Variants in NUP88 observed in about 807,000 individuals in gnomAD.
NUP88 encodes nucleoporin 88.
NUP88 carries 57 observed loss-of-function variants against 93.9 expected under a neutral mutation model. The ratio of observed to expected loss-of-function variants is 0.61; its 90% CI spans 0.49 to 0.76. The LOEUF is 0.76. NUP88 is among the 30% of genes least tolerant of loss of function. The pLI, the probability that NUP88 is intolerant of heterozygous loss-of-function variation, is 0.00. For missense variants in NUP88, 911 were observed against 901.0 expected (o/e 1.01, Z -0.14); for synonymous variants, 346 against 336.8 (o/e 1.03, Z -0.30).
intron 3 of NUP88, among the ~76,000 whole-genome samples, chr17:5,411,833 A>G (rs191209283): frequency 6.6e-6 from 1 of 152,296 alleles, no homozygotes; most frequent in African/African-American, 2.4e-5. Context: ...GTTTCTTCCA[A>G]TATCAATAAA....
chr17:5,386,137 C>T lies in NUP88; in HGVS notation c.*69G>A, dbSNP rs1183850469. On this transcript the variant is annotated 3_prime_UTR_variant, in exon 17 of 17. Transcript: ENST00000573584. ...CCTTTTTATAAATTAGATAATTCTA[C>T]CTGTTTTACAATATGGGTTTAAGCC... 1 of 1,138,718 alleles carries T rather than the reference C, an allele frequency of 8.8e-7. No individual in the cohort carries two copies. Among genetic ancestry groups the T allele is most frequent in the Non-Finnish European group, 1.3e-6 (1 of 785,454 alleles). 70.5% of individuals were successfully genotyped at this position (1,138,718 alleles called of 1,614,324 possible).
chr17:5,391,756 GGCT>G, intron 9 of NUP88, 94 bp from the exon 10 acceptor site: 1 of 988,824 alleles, frequency 1.0e-6, no homozygotes. Context: ...CTCAGGCCTG[GGCT>G]GAAGTTGCTT....
intron 1 of NUP88, 103 bp from the exon 2 acceptor site, chr17:5,416,785 T>A (rs1344176749): frequency 1.7e-5 from 16 of 940,746 alleles, no homozygotes; most frequent in Non-Finnish European, 2.3e-5. Flanking sequence ...AATTATAGGA[T>A]AATAAAACTC....
chr17:5,410,546 A>G (rs1341099141), intron 4 of NUP88, among the ~76,000 whole-genome samples, 157 bp downstream of exon 4: 1 of 152,174 alleles, frequency 6.6e-6, no homozygotes, highest in Non-Finnish European at 1.5e-5. Context: ...AGCCTGGCCA[A>G]CACGACGAAT....
At chr17:5,413,144 A>AT (rs1012353631) in intron 3 of NUP88, among the ~76,000 whole-genome samples, 9 of 151,490 alleles carry the variant, frequency 5.9e-5, no homozygotes, top group African/African-American at 9.7e-5. Context: ...TGCCCAGCTA[A>AT]TTTTTTTTGC....
intron 8 of NUP88, among the ~76,000 whole-genome samples, chr17:5,398,804 G>A (rs1383424641): frequency 3.3e-5 from 5 of 149,870 alleles, no homozygotes; most frequent in Admixed American, 2.0e-4. Context: ...GGTTGGCCAG[G>A]ATGGTCTCAA....
At chr17:5,401,378 G>A (rs897648458) in intron 7 of NUP88, among the ~76,000 whole-genome samples, 4 of 126,678 alleles carry the variant, frequency 3.2e-5, no homozygotes, top group Non-Finnish European at 6.6e-5. Context: ...GCGAAACTCC[G>A]TCTCAAAAAA....
intron 4 of NUP88, 42 bp from the exon 5 acceptor site, chr17:5,408,951 A>G (rs929262): frequency 0.42 from 612,085 of 1,449,642 alleles, 136,439 homozygotes; most frequent in East Asian, 0.84. Flanking sequence ...AAACAAAAAC[A>G]ACAAAAAGTA....
intron 8 of NUP88, among the ~76,000 whole-genome samples, chr17:5,396,709 T>A (rs192513871): frequency 2.2e-4 from 34 of 152,346 alleles, no homozygotes; most frequent in Admixed American, 2.2e-3. Flanking sequence ...AACTGCCAGA[T>A]TGTTTTCCAA....
At chr17:5,407,020 G>A (rs774914275) in intron 5 of NUP88, among the ~76,000 whole-genome samples, 3 of 152,116 alleles carry the variant, frequency 2.0e-5, no homozygotes, top group Admixed American at 2.0e-4. Flanking sequence ...GGACAAATGA[G>A]GGCTCAGCAG....
intron 10 of NUP88, among the ~76,000 whole-genome samples, chr17:5,390,719 A>G (rs1479135912): frequency 6.6e-6 from 1 of 151,780 alleles, no homozygotes; most frequent in Non-Finnish European, 1.5e-5. Flanking sequence ...TTTTTTTTTA[A>G]AAGACACAGG....
chr17:5,399,532 CAG>C lies in NUP88; in HGVS notation c.1291+18_1291+19del, dbSNP rs769609325. 2.4e-6 allele frequency: 3 copies of C among 1,262,962 alleles called. No individual in the cohort carries two copies. The highest frequency in any genetic ancestry group is 2.3e-5 in the East Asian group (1 of 42,866). The allele number at this position is 1,262,962 out of a possible 1,614,324, so 78.2% of individuals were successfully genotyped here. On this transcript the variant is annotated intron_variant, in intron 8 of 16. Coordinates refer to ENST00000573584, the MANE Select transcript of NUP88 (RefSeq NM_002532.6). ...TTTCCTCTGAAATCTATTAAAAGTG[CAG>C]AGAGTTAGTAAACTCACCTGATCCA...
chr17:5,408,765 C>T lies in NUP88; in HGVS notation c.825G>A (p.Glu275=). 1 of 1,610,198 alleles carries T rather than the reference C, an allele frequency of 6.2e-7. No homozygotes were observed. Among genetic ancestry groups the T allele is most frequent in the Non-Finnish European group, 8.5e-7 (1 of 1,178,866 alleles). Reference sequence around the variant, plus strand: ...ACAGACTGATGTATGTCAGGAAAGTCTCTCCATTTTCATATAAGATGTACA... The same window carrying T: ...ACAGACTGATGTATGTCAGGAAAGTTTCTCCATTTTCATATAAGATGTACA... ...YPLYILYENG[E]TFLTYISLLH... The change falls in exon 5 of 17, where the codon GAG becomes GAA. Residue 275 remains glutamate (E), a synonymous_variant. Transcript: ENST00000573584.
chr17:5,401,802 T>C (rs1279043855), intron 7 of NUP88, among the ~76,000 whole-genome samples: 1 of 152,180 alleles, frequency 6.6e-6, no homozygotes, highest in Non-Finnish European at 1.5e-5. Flanking sequence ...AACAGAAAAG[T>C]CTTAACACTG....
At chr17:5,390,705 TG>T (rs1465379595) in intron 10 of NUP88, among the ~76,000 whole-genome samples, 102 of 117,686 alleles carry the variant, frequency 8.7e-4, no homozygotes, top group African/African-American at 3.2e-3. Context: ...TCAGCTTTTT[TG>T]TTTTTTTTTT....
At chr17:5,399,252 GT>G (rs34056158) in intron 8 of NUP88, among the ~76,000 whole-genome samples, 26,203 of 136,530 alleles carry the variant, frequency 0.19, 3,292 homozygotes, top group East Asian at 0.59. Flanking sequence ...AGTTTTGGTA[GT>G]TTTTTTTTTT....
intron 8 of NUP88, among the ~76,000 whole-genome samples, chr17:5,397,332 CCT>C (rs1420632043): frequency 2.0e-5 from 3 of 148,522 alleles, no homozygotes; most frequent in African/African-American, 7.4e-5. Flanking sequence ...AGAGTGAGAC[CCT>C]CTGTCTCTTA....
At chr17:5,395,503 T>A (rs749740072) in intron 8 of NUP88, among the ~76,000 whole-genome samples, 1 of 151,922 alleles carries the variant, frequency 6.6e-6, no homozygotes, top group Non-Finnish European at 1.5e-5. Context: ...ATTTCAAATT[T>A]TTCAGAGTAG....
In NUP88 at chr17:5,384,842, AG is replaced by A. The variant is rs1402218223; in HGVS notation, c.*1363del. 1 of 218,138 alleles carries A rather than the reference AG, an allele frequency of 4.6e-6. No homozygotes were observed. The highest frequency in any genetic ancestry group is 2.2e-5 in the African/African-American group (1 of 44,698). 13.5% of individuals were successfully genotyped at this position (218,138 alleles called of 1,614,324 possible). The stretch of plus-strand genomic sequence containing the variant: ...AGGAAACATATAACTATTGAGTTAC[AG>A]GGGATTTTATTAATTATAAAATGCA... On this transcript the variant is annotated 3_prime_UTR_variant, in exon 17 of 17. Coordinates refer to ENST00000573584, the MANE Select transcript of NUP88 (RefSeq NM_002532.6).
Sources: allele counts gnomAD v4.1 joint callset (sites outside exome capture counted in the v4.1 genomes callset), GRCh38; gene constraint gnomAD v4.1.1; transcripts MANE v1.5; gene names NCBI Gene and HGNC (gene_info 2026-07-23, HGNC 2026-07-21).